Variants in ITLN1 observed in about 807,000 individuals in gnomAD.
ITLN1 encodes intelectin-1.
In ITLN1, 29 loss-of-function variants were observed where a neutral mutation model predicts 36.2. That is an observed-to-expected ratio of 0.80 (90% CI 0.60 to 1.09). The LOEUF (loss-of-function observed/expected upper bound fraction) is 1.09, where lower values mean the gene tolerates loss of function less well. Ranked by LOEUF, ITLN1 falls within the 50% of genes least tolerant of loss-of-function variation. The pLI, the probability that ITLN1 is intolerant of heterozygous loss-of-function variation, is 0.00. For synonymous variants in ITLN1, 143 were observed against 146.5 expected, an observed-to-expected ratio of 0.98 and a Z score of 0.17; for missense variants, 358 against 405.2, an observed-to-expected ratio of 0.88 and a Z score of 1.00.
intron 2 of ITLN1, 84 bp downstream of exon 2, chr1:160,884,736 G>A (rs2297559): frequency 0.69 from 629,659 of 917,870 alleles, 216,920 homozygotes; most frequent in Middle Eastern, 0.75. Flanking sequence ...TGCATCTCAA[G>A]GACATGCTCT....
rs1232144221 is a variant in ITLN1 at position 160,885,108 on chromosome 1, C to T, written c.-54G>A. 1 of 460,464 alleles carries T rather than the reference C, an allele frequency of 2.2e-6. No individual in the cohort carries two copies. The highest frequency in any genetic ancestry group is 4.0e-6 in the Non-Finnish European group (1 of 252,846). The allele number at this position is 460,464 out of a possible 1,614,324, so 28.5% of individuals were successfully genotyped here. A position where few individuals can be genotyped will look rare whatever the true frequency, so the allele number is the denominator to read the frequency against. ...TTTCCTTGGGTACAGAGAGCTCCTT[C>T]ACTCCCTCCCTCCACTGCGCCCTGG... On this transcript the variant is annotated 5_prime_UTR_variant, in exon 1 of 8. Transcript: ENST00000326245.
rs1670709137 is a variant in ITLN1, at chr1:160,883,376, G to A, written c.157+52C>T. The A allele has an allele frequency of 2.4e-6, 3 of 1,242,488 alleles. No individual in the cohort carries two copies. In the South Asian group the frequency reaches 3.7e-5, roughly 15 times the overall value. The allele number at this position is 1,242,488 out of a possible 1,614,324, so 77.0% of individuals were successfully genotyped here. On this transcript the variant is annotated intron_variant, in intron 3 of 7. Coordinates refer to ENST00000326245, the MANE Select transcript of ITLN1 (RefSeq NM_017625.3). ...CTAAAAGACAAAAAGACTCCCAGAA[G>A]ACACAATCCTGATACCCTGACTGAG...
At chr1:160,883,032 T>C (rs567178885) in intron 3 of ITLN1, among the ~76,000 whole-genome samples, 9 of 152,100 alleles carry the variant, frequency 5.9e-5, no homozygotes, top group Non-Finnish European at 8.8e-5. Context: ...CCACACCCAA[T>C]TGATTTTTGT....
chr1:160,883,665 T>C (rs1050648587), intron 2 of ITLN1, 139 bp from the exon 3 acceptor site: 1 of 595,530 alleles, frequency 1.7e-6, no homozygotes, highest in Non-Finnish European at 3.1e-6. Flanking sequence ...GCCAGTGTCA[T>C]ATCCACTCAG....
chr1:160,881,822 A>G, intron 4 of ITLN1, 135 bp downstream of exon 4: 1 of 1,151,410 alleles, frequency 8.7e-7, no homozygotes, highest in Non-Finnish European at 1.2e-6. Context: ...AAAAAAAAAA[A>G]AAAGATATAA....
chr1:160,880,554 C>A (rs375514467), intron 6 of ITLN1, 34 bp downstream of exon 6: 1 of 1,609,852 alleles, frequency 6.2e-7, no homozygotes, highest in Non-Finnish European at 8.5e-7. Flanking sequence ...ATTCCCTTTC[C>A]TACCAGGAGT....
intron 2 of ITLN1, among the ~76,000 whole-genome samples, chr1:160,884,517 T>C (rs775774209): frequency 1.3e-5 from 2 of 152,184 alleles, no homozygotes; most frequent in Admixed American, 6.5e-5. Flanking sequence ...AAGCAGACCA[T>C]GTAGTTCCCA....
At chr1:160,880,745 A>G in intron 5 of ITLN1, 37 bp from the exon 6 acceptor site, 1 of 1,611,006 alleles carries the variant, frequency 6.2e-7, no homozygotes, top group Non-Finnish European at 8.5e-7. Context: ...GAGTAAAGAC[A>G]ATAGCTTTGC....
intron 7 of ITLN1, 50 bp downstream of exon 7, chr1:160,879,261 G>T: frequency 7.5e-7 from 1 of 1,334,334 alleles, no homozygotes; most frequent in African/African-American, 1.4e-5. Flanking sequence ...AACACACACG[G>T]ACAAACTCGA....
chr1:160,879,291 C>A lies in ITLN1; in HGVS notation c.789+20G>T, dbSNP rs755844382. 9.5e-6 allele frequency: 15 copies of A among 1,578,570 alleles called. No homozygotes were observed. The highest frequency in any genetic ancestry group is 1.3e-5 in the African/African-American group (1 of 74,294). ...ACTCGACCTTACTCACAGGTCCCTG[C>A]AGTCCCCACAGAGACTCACGTGCTC... is the stretch of plus-strand genomic sequence containing the variant. On this transcript the variant is annotated intron_variant, in intron 7 of 7. Transcript: ENST00000326245.
chr1:160,879,852 G>A lies in ITLN1; in HGVS notation c.686-438C>T, dbSNP rs112756590. Among the ~76,000 whole-genome samples the A allele has an allele frequency of 1.2e-3, 186 of 152,246 alleles. 5 individuals are homozygous for A. In the South Asian group the frequency reaches 0.026, roughly 21 times the overall value. On this transcript the variant is annotated intron_variant, in intron 6 of 7. Transcript: ENST00000326245. Reference sequence around the variant, plus strand: ...TCTATAATATATGCTCAGCCTCTGCGGAGCGTACTATGCTACCAACTTTGG... The same window carrying A: ...TCTATAATATATGCTCAGCCTCTGCAGAGCGTACTATGCTACCAACTTTGG...
At chr1:160,881,785 G>A (rs1340943264) in intron 4 of ITLN1, among the ~76,000 whole-genome samples, 172 bp downstream of exon 4, 6 of 141,344 alleles carry the variant, frequency 4.2e-5, no homozygotes, top group South Asian at 4.6e-4. Context: ...CTGGGCAACA[G>A]AGTAAGACTC....
chr1:160,879,404 A>G lies in ITLN1; in HGVS notation c.696T>C (p.Thr232=), dbSNP rs775316000. The G allele has an allele frequency of 4.3e-6, 7 of 1,613,904 alleles. No homozygotes were observed. Among genetic ancestry groups the G allele is most frequent in the Non-Finnish European group, 5.1e-6 (6 of 1,179,774 alleles). Residue 232 remains threonine (T), a synonymous_variant, in exon 7 of 8, where the codon ACT becomes ACC. Transcript: ENST00000326245. ...ATACCCTGAACTGAACAAATCCCGCAGTGAATTCCCCTGAAAACAAGAGGC... is the reference window on the plus strand; with the variant it reads ...ATACCCTGAACTGAACAAATCCCGCGGTGAATTCCCCTGAAAACAAGAGGC... ...YYSPYGQREF[T]AGFVQFRVFN... is the part of the protein sequence containing the mutation.
At position 160,880,048 on chromosome 1, in the gene ITLN1, G is replaced by A. The variant is rs1670651347; in HGVS notation, c.685+540C>T. 2.0e-5 allele frequency among the ~76,000 whole-genome samples: 3 copies of A among 152,156 alleles called. No individual in the cohort carries two copies. In the South Asian group the frequency reaches 6.2e-4, roughly 31 times the overall value. On this transcript the variant is annotated intron_variant, in intron 6 of 7. Transcript: ENST00000326245. ...TGGCCGGGCGTGGTGGCTCACACCTGTAATCCCAACACTTTGGGAGCCGAA... is the reference window on the plus strand; with the variant it reads ...TGGCCGGGCGTGGTGGCTCACACCTATAATCCCAACACTTTGGGAGCCGAA...
chr1:160,881,824 A>G, intron 4 of ITLN1, 133 bp downstream of exon 4: 2 of 1,226,962 alleles, frequency 1.6e-6, no homozygotes, highest in Non-Finnish European at 1.1e-6. Flanking sequence ...AAAAAAAAAA[A>G]AGATATAAGT....
chr1:160,879,634 T>G (rs924540151), intron 6 of ITLN1, among the ~76,000 whole-genome samples: 64 of 152,156 alleles, frequency 4.2e-4, no homozygotes, highest in Non-Finnish European at 5.1e-4. Context: ...GAGCTGGTCC[T>G]CAGAGAGGGC....
At position 160,882,187 on chromosome 1, in the gene ITLN1, G is replaced by A. The variant is rs201081504; in HGVS notation, c.175C>T (p.Arg59Cys). The part of the protein sequence containing the change: ...PSAFDGLYFL[R>C]TENGVIYQTF... ...TGGTAGATAACACCATTCTCAGTGCGGAGAAAATACAGGCCATCTGTAGAG... is the reference window on the plus strand; with the variant it reads ...TGGTAGATAACACCATTCTCAGTGCAGAGAAAATACAGGCCATCTGTAGAG... Residue 59 changes from arginine to cysteine, a missense_variant, in exon 4 of 8, where the codon CGC (arginine) becomes TGC (cysteine). Transcript: ENST00000326245. The A allele has an allele frequency of 5.2e-5, 83 of 1,584,328 alleles. No individual in the cohort carries two copies. The highest frequency in any genetic ancestry group is 3.4e-4 in the Middle Eastern group (2 of 5,944).
chr1:160,882,225 G>T lies in ITLN1; in HGVS notation c.158-21C>A. 3 of 1,550,244 alleles carry T rather than the reference G, an allele frequency of 1.9e-6. No homozygotes were observed. The East Asian group carries it at 6.8e-5, about 35-fold the overall frequency. ...GCCATCTGTAGAGAGAACCAGCCCAGAGCCTCCCTGTCTGAGAGCTGAGGG... is the reference window on the plus strand; with the variant it reads ...GCCATCTGTAGAGAGAACCAGCCCATAGCCTCCCTGTCTGAGAGCTGAGGG... On this transcript the variant is annotated intron_variant, in intron 3 of 7. Coordinates refer to ENST00000326245, the MANE Select transcript of ITLN1 (RefSeq NM_017625.3).
chr1:160,880,477 G>T, intron 6 of ITLN1, 111 bp downstream of exon 6: 1 of 1,112,458 alleles, frequency 9.0e-7, no homozygotes, highest in Non-Finnish European at 1.3e-6. Flanking sequence ...GGGCAATATA[G>T]GGAACATTAC....
Sources: gnomAD v4.1 joint callset for allele counts (sites outside exome capture counted in the v4.1 genomes callset) on GRCh38, gnomAD v4.1.1 for gene constraint, MANE v1.5 for transcripts, NCBI Gene and HGNC (gene_info 2026-07-23, HGNC 2026-07-21) for gene names.